Variants in KIF20B observed in about 807,000 individuals in gnomAD.
The protein encoded by KIF20B is kinesin family member 20B, also known as kinesin-like protein KIF20B.
A neutral mutation model predicts 232.5 loss-of-function variants in KIF20B; 188 were observed. The ratio of observed to expected loss-of-function variants is 0.81; its 90% CI spans 0.72 to 0.91. KIF20B has a LOEUF of 0.91. Among genes scored for constraint, KIF20B ranks in the 40% least tolerant of loss-of-function variants. The pLI is 0.00. For synonymous variants in KIF20B, 712 were observed against 683.0 expected, an observed-to-expected ratio of 1.04 and a Z score of -0.66; for missense variants, 2,154 against 2,055.9, an observed-to-expected ratio of 1.05 and a Z score of -0.92.
At chr10:89,709,851 G>A in intron 4 of KIF20B, 76 bp from the exon 5 acceptor site, 1 of 1,158,164 alleles carries the variant, frequency 8.6e-7, no homozygotes, top group Non-Finnish European at 1.2e-6. Context: ...TTTTTAAACA[G>A]TAGTGTTGGG....
intron 6 of KIF20B, among the ~76,000 whole-genome samples, chr10:89,712,182 T>C (rs980057870): frequency 2.0e-5 from 3 of 152,276 alleles, no homozygotes; most frequent in Non-Finnish European, 2.9e-5. Flanking sequence ...AATGTATTAG[T>C]GTATGGGTTG....
intron 19 of KIF20B, among the ~76,000 whole-genome samples, chr10:89,733,333 C>T (rs1843371209): frequency 6.6e-6 from 1 of 152,096 alleles, no homozygotes; most frequent in Non-Finnish European, 1.5e-5. Context: ...AAACTCATTA[C>T]TTTGATTTTA....
At chr10:89,721,794 A>G (rs1843063452) in intron 13 of KIF20B, among the ~76,000 whole-genome samples, 4 of 152,164 alleles carry the variant, frequency 2.6e-5, no homozygotes, top group South Asian at 2.1e-4. Context: ...GCTATAGTTT[A>G]TGATGGATTA....
At chr10:89,733,596 C>G (rs1843378688) in intron 19 of KIF20B, among the ~76,000 whole-genome samples, 1 of 151,954 alleles carries the variant, frequency 6.6e-6, no homozygotes, top group South Asian at 2.1e-4. Context: ...GAAGGGCAAA[C>G]CTTTGAATTT....
intron 19 of KIF20B, among the ~76,000 whole-genome samples, chr10:89,733,771 G>T (rs996072632): frequency 6.6e-6 from 1 of 152,164 alleles, no homozygotes; most frequent in African/African-American, 2.4e-5. Flanking sequence ...AGGCTGGACA[G>T]TGTAAATTAT....
Position 89,734,367 on chromosome 10 carries a change from C to T in KIF20B, c.2545+1311C>T, listed in dbSNP as rs552828819. Among the ~76,000 whole-genome samples, 42 of 152,154 alleles carry T rather than the reference C, an allele frequency of 2.8e-4. No homozygotes were observed. The South Asian group carries it at 8.5e-3, about 31-fold the overall frequency. ...CAAAGACTGCAGTGAGCCAAGATTG[C>T]GCCATTGCACTCCAGCCAGGGCAAC... On this transcript the variant is annotated intron_variant, in intron 19 of 32. Coordinates refer to ENST00000371728, the MANE Select transcript of KIF20B (RefSeq NM_001284259.2).
chr10:89,772,275 G>C (rs1842478008), intron 31 of KIF20B, among the ~76,000 whole-genome samples: 2 of 152,000 alleles, frequency 1.3e-5, no homozygotes, highest in South Asian at 4.1e-4. Flanking sequence ...TTTTCATGCA[G>C]CATTCATTGT....
At chr10:89,756,059 C>G (rs1220097667) in intron 26 of KIF20B, among the ~76,000 whole-genome samples, 2 of 152,140 alleles carry the variant, frequency 1.3e-5, no homozygotes, top group Admixed American at 1.3e-4. Context: ...TTGCTAAACT[C>G]CAGACCATAC....
chr10:89,734,226 G>A (rs896299138), intron 19 of KIF20B, among the ~76,000 whole-genome samples: 2 of 152,016 alleles, frequency 1.3e-5, no homozygotes, highest in Non-Finnish European at 2.9e-5. Flanking sequence ...CCTGACCAAC[G>A]TGATGAAACC....
At chr10:89,769,243 G>T (rs1842421940) in intron 31 of KIF20B, among the ~76,000 whole-genome samples, 1 of 151,974 alleles carries the variant, frequency 6.6e-6, no homozygotes, top group Non-Finnish European at 1.5e-5. Context: ...GTATTGAAAT[G>T]TGGGCAGGAG....
intron 13 of KIF20B, among the ~76,000 whole-genome samples, chr10:89,722,242 T>C (rs1402384051): frequency 1.3e-5 from 2 of 152,186 alleles, no homozygotes; most frequent in Non-Finnish European, 2.9e-5. Flanking sequence ...ATTGGGACTT[T>C]TAAAAACCAT....
chr10:89,727,252 C>T (rs966790064), intron 16 of KIF20B, among the ~76,000 whole-genome samples: 3 of 72,788 alleles, frequency 4.1e-5, no homozygotes, highest in African/African-American at 2.6e-4. Context: ...TTTCTGTCTT[C>T]CCCCCCCCTT....
At chr10:89,745,321 G>A (rs1188157260) in intron 22 of KIF20B, among the ~76,000 whole-genome samples, 1 of 152,076 alleles carries the variant, frequency 6.6e-6, no homozygotes, top group Non-Finnish European at 1.5e-5. Flanking sequence ...TCAGGAGATC[G>A]AGACTAGCCT....
chr10:89,715,037 T>C lies in KIF20B; in HGVS notation c.795T>C (p.Asn265=), dbSNP rs1842909653. The change falls in exon 8 of 33, where the codon AAT becomes AAC. Residue 265 remains asparagine (N), a synonymous_variant. Transcript: ENST00000371728. Reference sequence around the variant, plus strand: ...AACAAGCCAACTTGAATATGGCTAATAGTATAAAATTTTCTGTGTGGGTTT... The same window carrying C: ...AACAAGCCAACTTGAATATGGCTAACAGTATAAAATTTTCTGTGTGGGTTT... The part of the protein sequence containing the change: ...DYEQANLNMA[N]SIKFSVWVSF... The C allele has an allele frequency of 6.2e-7, 1 of 1,606,298 alleles. No individual in the cohort carries two copies. Among genetic ancestry groups the C allele is most frequent in the Non-Finnish European group, 8.5e-7 (1 of 1,175,312 alleles).
chr10:89,734,465 A>G (rs61870762), intron 19 of KIF20B, among the ~76,000 whole-genome samples: 6,659 of 152,204 alleles, frequency 0.044, 193 homozygotes, highest in Middle Eastern at 0.082. Context: ...TTGAGAACAA[A>G]CAATCACATA....
intron 18 of KIF20B, among the ~76,000 whole-genome samples, chr10:89,731,398 T>TA (rs753131083): frequency 5.9e-5 from 9 of 152,204 alleles, no homozygotes; most frequent in Admixed American, 2.0e-4. Context: ...ACTAACTTAA[T>TA]ACAGTGTGCT....
intron 6 of KIF20B, among the ~76,000 whole-genome samples, chr10:89,712,023 AT>A (rs1447673796): frequency 1.3e-5 from 2 of 151,724 alleles, no homozygotes; most frequent in Non-Finnish European, 2.9e-5. Context: ...CCTACTTTAT[AT>A]TTTTTTAATT....
intron 23 of KIF20B, among the ~76,000 whole-genome samples, chr10:89,748,851 A>G (rs986431422): frequency 2.6e-5 from 4 of 152,140 alleles, no homozygotes; most frequent in Non-Finnish European, 5.9e-5. Context: ...CACCGTGACT[A>G]TTTTAATCTG....
Position 89,768,858 on chromosome 10 carries a change from C to G in KIF20B, c.5212C>G (p.Gln1738Glu), listed in dbSNP as rs772549830. 3.7e-6 allele frequency: 6 copies of G among 1,601,742 alleles called. No homozygotes were observed. In the South Asian group the frequency reaches 5.7e-5, roughly 15 times the overall value. Residue 1738 changes from glutamine to glutamate, a missense_variant, in exon 31 of 33, where the codon CAA (glutamine) becomes GAA (glutamate). Gln to Glu is a conservative substitution (Grantham distance 29). Transcript: ENST00000371728. ...GTLQKFGDFL[Q>E]HSPSILQSKA... is the part of the protein sequence containing the mutation. ...ACTACAGAAATTTGGAGACTTCTTA[C>G]AACATTCTCCCTCAATTCTTCAATC...
Sources: gnomAD v4.1 joint callset for allele counts (sites outside exome capture counted in the v4.1 genomes callset) on GRCh38, gnomAD v4.1.1 for gene constraint, MANE v1.5 for transcripts, NCBI Gene and HGNC (gene_info 2026-07-23, HGNC 2026-07-21) for gene names.